The following ACTR3C variants were observed in gnomAD, a reference collection of about 807,000 sequenced individuals.
ACTR3C encodes actin related protein 3C, also known as actin-related protein 3C.
A neutral mutation model predicts 26.3 loss-of-function variants in ACTR3C; 18 were observed. The ratio of observed to expected loss-of-function variants is 0.68; its 90% CI spans 0.47 to 1.01. The LOEUF is 1.01. Among genes scored for constraint, ACTR3C ranks in the 50% least tolerant of loss-of-function variants. ACTR3C has a pLI of 0.00. For missense variants in ACTR3C, 184 were observed against 250.7 expected, an observed-to-expected ratio of 0.73 and a Z score of 1.80; for synonymous variants, 55 against 94.5, an observed-to-expected ratio of 0.58 and a Z score of 2.42.
the ACTR3C span, among the ~76,000 whole-genome samples, chr7:150,172,550 G>A: frequency 0.14 from 21,283 of 149,640 alleles, 3,191 homozygotes; most frequent in African/African-American, 0.32. Context: ...GGACAGAGCC[G>A]AACCATATCA....
At chr7:150,034,471 T>G in the ACTR3C span, among the ~76,000 whole-genome samples, 27 of 148,508 alleles carry the variant, frequency 1.8e-4, no homozygotes, top group Middle Eastern at 3.5e-3. Context: ...AAAACTTCCA[T>G]GTCCCCGCCC....
chr7:149,980,741 C>T, the ACTR3C span, among the ~76,000 whole-genome samples: 1 of 152,206 alleles, frequency 6.6e-6, no homozygotes, highest in Non-Finnish European at 1.5e-5. Context: ...ACCTAACAGG[C>T]ACACCATATA....
At chr7:150,041,764 G>T in the ACTR3C span, among the ~76,000 whole-genome samples, 1 of 145,730 alleles carries the variant, frequency 6.9e-6, no homozygotes, top group Non-Finnish European at 1.5e-5. Flanking sequence ...GGGGGAAGAG[G>T]GACTGGCTCT....
chr7:150,086,062 C>T, the ACTR3C span, among the ~76,000 whole-genome samples: 35 of 152,004 alleles, frequency 2.3e-4, no homozygotes, highest in South Asian at 8.3e-4. Flanking sequence ...CTACAACCTC[C>T]GTCTCCCAGG....
downstream of ACTR3C, among the ~76,000 whole-genome samples, chr7:150,242,443 T>C (rs879412513): frequency 5.3e-5 from 8 of 150,714 alleles, no homozygotes; most frequent in Non-Finnish European, 8.8e-5. Context: ...ATCTACATCT[T>C]GATCAAGGTA....
chr7:149,971,688 T>C, the ACTR3C span, among the ~76,000 whole-genome samples: 2 of 152,340 alleles, frequency 1.3e-5, no homozygotes, highest in South Asian at 4.1e-4. Flanking sequence ...TGGCTTCTCT[T>C]TGCAGAAAGG....
At chr7:149,990,907 A>G in the ACTR3C span, among the ~76,000 whole-genome samples, 535 of 138,256 alleles carry the variant, frequency 3.9e-3, 1 homozygote, top group Admixed American at 5.3e-3. Context: ...ATGAGGGACA[A>G]GCCAAAAGTG....
At chr7:150,194,130 C>T in the ACTR3C span, among the ~76,000 whole-genome samples, 9 of 149,316 alleles carry the variant, frequency 6.0e-5, no homozygotes, top group South Asian at 2.1e-4. Context: ...TGTGTTCTGT[C>T]GTTAGGTGCA....
chr7:150,015,898 A>C, the ACTR3C span, among the ~76,000 whole-genome samples: 1 of 152,230 alleles, frequency 6.6e-6, no homozygotes, highest in Non-Finnish European at 1.5e-5. Flanking sequence ...CATCATTATT[A>C]ATAGCACATC....
At chr7:149,898,210 G>A in the ACTR3C span, among the ~76,000 whole-genome samples, 17 of 152,140 alleles carry the variant, frequency 1.1e-4, no homozygotes, top group Non-Finnish European at 2.2e-4. Flanking sequence ...GAGGTGATCT[G>A]TAGAAATAGA....
At chr7:150,049,756 A>G in the ACTR3C span, among the ~76,000 whole-genome samples, 42 of 152,202 alleles carry the variant, frequency 2.8e-4, no homozygotes, top group African/African-American at 9.7e-4. Flanking sequence ...CCAAGCTTTC[A>G]ATCCAGTGTG....
At chr7:150,034,024 C>A in the ACTR3C span, among the ~76,000 whole-genome samples, 5 of 139,492 alleles carry the variant, frequency 3.6e-5, no homozygotes, top group East Asian at 2.2e-4. Flanking sequence ...ATGGTGGTCC[C>A]AAGAGCCAGG....
chr7:150,165,779 C>T, the ACTR3C span, among the ~76,000 whole-genome samples: 1 of 150,464 alleles, frequency 6.6e-6, no homozygotes, highest in Non-Finnish European at 1.5e-5. Flanking sequence ...CTCCCTCTAC[C>T]TCTGTACACC....
At chr7:149,992,589 C>T in the ACTR3C span, among the ~76,000 whole-genome samples, 2 of 152,194 alleles carry the variant, frequency 1.3e-5, no homozygotes, top group Non-Finnish European at 2.9e-5. Flanking sequence ...CCATCAGCTA[C>T]AGGTGACGCA....
At chr7:149,958,553 C>G in the ACTR3C span, among the ~76,000 whole-genome samples, 1 of 152,228 alleles carries the variant, frequency 6.6e-6, no homozygotes, top group African/African-American at 2.4e-5. Flanking sequence ...ATGCCATAAT[C>G]AAGCATTCTC....
the ACTR3C span, among the ~76,000 whole-genome samples, chr7:149,897,147 C>T: frequency 6.6e-5 from 10 of 150,900 alleles, no homozygotes; most frequent in Non-Finnish European, 1.2e-4. Flanking sequence ...AGAGTTTGCA[C>T]GGGTGTGTTT....
At chr7:150,043,733 C>T in the ACTR3C span, among the ~76,000 whole-genome samples, 1 of 152,270 alleles carries the variant, frequency 6.6e-6, no homozygotes, top group South Asian at 2.1e-4. Context: ...AAGATTTAGA[C>T]TTTTTCTCAT....
At chr7:150,149,360 T>C in the ACTR3C span, among the ~76,000 whole-genome samples, 1 of 152,046 alleles carries the variant, frequency 6.6e-6, no homozygotes, top group East Asian at 1.9e-4. Context: ...TTATTATTAT[T>C]ATACTTTAAG....
the ACTR3C span, among the ~76,000 whole-genome samples, chr7:149,963,717 G>C: frequency 1.0e-3 from 157 of 152,306 alleles, no homozygotes; most frequent in Non-Finnish European, 5.7e-4. Context: ...CGGAGCAGCT[G>C]GGTTGAATCC....
Sources: allele counts gnomAD v4.1 joint callset (sites outside exome capture counted in the v4.1 genomes callset), GRCh38; gene constraint gnomAD v4.1.1; transcripts MANE v1.5; gene names NCBI Gene and HGNC (gene_info 2026-07-23, HGNC 2026-07-21).